The following ABHD12 variants were observed in gnomAD, a reference collection of about 807,000 sequenced individuals.
The protein encoded by ABHD12 is abhydrolase domain containing 12, lysophospholipase.
In ABHD12, 43 loss-of-function variants were observed where a neutral mutation model predicts 58.3. The observed-to-expected ratio is 0.74, with a 90% CI of 0.58 to 0.95. The LOEUF is 0.95. ABHD12 is among the 40% of genes least tolerant of loss of function. The pLI is 0.00. For synonymous variants in ABHD12, 219 were observed against 211.2 expected (o/e 1.04, Z -0.32); for missense variants, 539 against 537.2 (o/e 1.00, Z -0.03).
chr20:25,378,602 C>T (rs941530374), intron 1 of ABHD12, among the ~76,000 whole-genome samples: 1 of 152,184 alleles, frequency 6.6e-6, no homozygotes, highest in African/African-American at 2.4e-5. Flanking sequence ...TGACCCTGAA[C>T]ATTCTTACCT....
At chr20:25,373,028 A>T in intron 1 of ABHD12, among the ~76,000 whole-genome samples, 1 of 152,098 alleles carries the variant, frequency 6.6e-6, no homozygotes. Flanking sequence ...TGCCTACAGG[A>T]CTCAGTACAG....
chr20:25,345,893 C>T (rs958468971), intron 1 of ABHD12, among the ~76,000 whole-genome samples: 1 of 152,186 alleles, frequency 6.6e-6, no homozygotes, highest in Non-Finnish European at 1.5e-5. Flanking sequence ...CCTCACAAAA[C>T]TACACATATT....
At chr20:25,323,618 C>T (rs1356200144) in intron 2 of ABHD12, among the ~76,000 whole-genome samples, 188 bp from the exon 3 acceptor site, 1 of 152,214 alleles carries the variant, frequency 6.6e-6, no homozygotes, top group Non-Finnish European at 1.5e-5. Context: ...TGCAATCTTA[C>T]AATGGTGCCA....
chr20:25,330,984 G>A (rs935893303), intron 2 of ABHD12, among the ~76,000 whole-genome samples: 5 of 152,242 alleles, frequency 3.3e-5, no homozygotes, highest in African/African-American at 1.2e-4. Context: ...GACTAGCTGA[G>A]AGAAGAAGGC....
At chr20:25,312,126 C>A (rs997887955) in intron 6 of ABHD12, among the ~76,000 whole-genome samples, 2 of 152,122 alleles carry the variant, frequency 1.3e-5, no homozygotes, top group Non-Finnish European at 2.9e-5. Flanking sequence ...CAAGACCAGC[C>A]TGGGCAACAT....
intron 1 of ABHD12, among the ~76,000 whole-genome samples, chr20:25,387,590 T>TAAAAAAAAAAA (rs57449867): frequency 1.1e-4 from 12 of 113,036 alleles, no homozygotes; most frequent in South Asian, 3.2e-4. Flanking sequence ...TCATCTCTAT[T>TAAAAAAAAAAA]AAAAAAAAAA....
chr20:25,325,803 A>G (rs2089165061), intron 2 of ABHD12, among the ~76,000 whole-genome samples: 1 of 151,876 alleles, frequency 6.6e-6, no homozygotes, highest in East Asian at 1.9e-4. Context: ...AGGCGTGGTG[A>G]CTCATGCCTG....
rs914338268 is a variant in ABHD12, at chr20:25,338,747, AT to A, written c.316+479del. 1.3e-3 allele frequency: 1,229 copies of A among 968,716 alleles called. 1 individual carries two copies. The highest frequency in any genetic ancestry group is 1.4e-3 in the Non-Finnish European group (1,178 of 814,100). The allele number at this position is 968,716 out of a possible 1,614,324, so 60.0% of individuals were successfully genotyped here. On this transcript the variant is annotated intron_variant, in intron 2 of 12. Coordinates refer to ENST00000339157, the MANE Select transcript of ABHD12 (RefSeq NM_001042472.3). ...TGTTTTAAAAAAGAAAAAAGGCCTCATTTTTTTTTAAAGGTACTATATTTTT... is the reference window on the plus strand; with the variant it reads ...TGTTTTAAAAAAGAAAAAAGGCCTCATTTTTTTTAAAGGTACTATATTTTT...
intron 10 of ABHD12, 150 bp downstream of exon 10, chr20:25,306,683 G>A: frequency 3.2e-6 from 2 of 619,756 alleles, no homozygotes; most frequent in South Asian, 1.9e-5. Flanking sequence ...TCCCTAGCAG[G>A]CTTTCCCTTT....
chr20:25,307,713 C>T (rs141892206), intron 9 of ABHD12, among the ~76,000 whole-genome samples: 6 of 152,238 alleles, frequency 3.9e-5, no homozygotes, highest in Non-Finnish European at 7.3e-5. Context: ...GATGACACCA[C>T]GTGAGCCCGG....
At chr20:25,302,465 G>T in intron 11 of ABHD12, 119 bp from the exon 12 acceptor site, 1 of 1,354,398 alleles carries the variant, frequency 7.4e-7, no homozygotes, top group Non-Finnish European at 1.0e-6. Context: ...CACATACACT[G>T]CTTGTTGCCA....
At chr20:25,358,746 T>C (rs768497357) in intron 1 of ABHD12, among the ~76,000 whole-genome samples, 1 of 152,092 alleles carries the variant, frequency 6.6e-6, no homozygotes, top group Non-Finnish European at 1.5e-5. Context: ...CTTGTCCATA[T>C]CGGCCACCCC....
chr20:25,352,553 G>C (rs6115156), intron 1 of ABHD12, among the ~76,000 whole-genome samples: 66,331 of 151,756 alleles, frequency 0.44, 15,799 homozygotes, highest in Admixed American at 0.55. Flanking sequence ...GCCTCCCAAA[G>C]TGCTGGGATT....
At position 25,307,925 on chromosome 20, in the gene ABHD12, TTAA is replaced by T. The variant is rs759550508; in HGVS notation, c.867+38_867+40del. On this transcript the variant is annotated intron_variant, in intron 9 of 12. Coordinates refer to ENST00000339157, the MANE Select transcript of ABHD12 (RefSeq NM_001042472.3). ...TAATTAGTTATTTCTATAATTTATC[TTAA>T]TAATGAAAAGTTAATTTTTAATAAA... 35 of 1,068,184 alleles carry T rather than the reference TTAA, an allele frequency of 3.3e-5. No homozygotes were observed. The Middle Eastern group carries it at 8.7e-4, about 27-fold the overall frequency. The allele number at this position is 1,068,184 out of a possible 1,614,324, so 66.2% of individuals were successfully genotyped here.
chr20:25,314,236 G>A (rs111252208), intron 6 of ABHD12, among the ~76,000 whole-genome samples: 1 of 152,140 alleles, frequency 6.6e-6, no homozygotes, highest in Admixed American at 6.5e-5. Context: ...GCCTCCCAAA[G>A]TGCTGGGATT....
intron 1 of ABHD12, among the ~76,000 whole-genome samples, chr20:25,360,796 GAGGATCAGGTGGAGGCC>G (rs1377517206): frequency 6.6e-6 from 1 of 152,180 alleles, no homozygotes; most frequent in Non-Finnish European, 1.5e-5. Context: ...CCCGTGGCGG[GAGGATCAGGTGGAGGCC>G]AGGATCAGGC....
At chr20:25,327,228 G>C (rs1020110205) in intron 2 of ABHD12, among the ~76,000 whole-genome samples, 3 of 152,220 alleles carry the variant, frequency 2.0e-5, no homozygotes, top group Non-Finnish European at 2.9e-5. Flanking sequence ...CAGCACTTTG[G>C]GAGGCCGAGG....
chr20:25,382,103 C>T (rs1450214595), intron 1 of ABHD12, among the ~76,000 whole-genome samples: 1 of 152,180 alleles, frequency 6.6e-6, no homozygotes, highest in East Asian at 1.9e-4. Flanking sequence ...ATCCCTACAT[C>T]ACAGATGAAG....
downstream of ABHD12, among the ~76,000 whole-genome samples, chr20:25,299,108 A>G (rs530320487): frequency 6.6e-6 from 1 of 152,330 alleles, no homozygotes; most frequent in South Asian, 2.1e-4. Context: ...TGTAAAAAAG[A>G]CACTAGTAGC....
Sources: gnomAD v4.1 joint callset for allele counts (sites outside exome capture counted in the v4.1 genomes callset) on GRCh38, gnomAD v4.1.1 for gene constraint, MANE v1.5 for transcripts, NCBI Gene and HGNC (gene_info 2026-07-23, HGNC 2026-07-21) for gene names.